The following KRT16 variants were observed in gnomAD, a reference collection of about 807,000 sequenced individuals.
KRT16 encodes keratin, type I cytoskeletal 16.
KRT16 carries 42 observed loss-of-function variants against 44.8 expected under a neutral mutation model. That is an observed-to-expected ratio of 0.94 (90% CI 0.73 to 1.21). The LOEUF is 1.21. KRT16 is among the 50% of genes most tolerant of loss of function. The pLI, the probability that KRT16 is intolerant of heterozygous loss-of-function variation, is 0.00. For missense variants in KRT16, 561 were observed against 626.9 expected, an observed-to-expected ratio of 0.89 and a Z score of 1.12; for synonymous variants, 226 against 260.4, an observed-to-expected ratio of 0.87 and a Z score of 1.27.
Position 41,609,881 on chromosome 17 carries a change from T to C in KRT16, c.*54A>G. 6.7e-7 allele frequency: 1 copy of C among 1,490,686 alleles called. No individual in the cohort carries two copies. The highest frequency in any genetic ancestry group is 2.3e-5 in the East Asian group (1 of 44,210). 92.3% of individuals were successfully genotyped at this position (1,490,686 alleles called of 1,614,324 possible). On this transcript the variant is annotated 3_prime_UTR_variant, in exon 8 of 8. Coordinates refer to ENST00000301653, the MANE Select transcript of KRT16 (RefSeq NM_005557.4). Reference sequence around the variant, plus strand: ...GAGAGCAGGGTCCTGACCCGGGCCTTCAGGAGGTGAGGCCAGCTGGTGGGC... The same window carrying C: ...GAGAGCAGGGTCCTGACCCGGGCCTCCAGGAGGTGAGGCCAGCTGGTGGGC...
intron 1 of KRT16, 133 bp downstream of exon 1, chr17:41,612,025 C>T: frequency 8.6e-7 from 1 of 1,166,496 alleles, no homozygotes; most frequent in Non-Finnish European, 1.3e-6. Flanking sequence ...CTACCACTTC[C>T]CTGGGTGATC....
intron 1 of KRT16, 151 bp from the exon 2 acceptor site, chr17:41,611,872 G>T (rs142131939): frequency 4.8e-6 from 4 of 830,800 alleles, no homozygotes; most frequent in Non-Finnish European, 8.1e-6. Flanking sequence ...CTCAGGCTAC[G>T]TAGGGATGCA....
rs1460866290 is a variant in KRT16 at position 41,611,062 on chromosome 17, G to T, written c.933+7C>A. On this transcript the variant is annotated splice_region_variant and intron_variant, in intron 4 of 7. Coordinates refer to ENST00000301653, the MANE Select transcript of KRT16 (RefSeq NM_005557.4). Reference sequence around the variant, plus strand: ...TGCTGCAGGCTCACTGCGGGCCCGAGCCCCACCTTGCTCAGGAACCAGGTC... The same window carrying T: ...TGCTGCAGGCTCACTGCGGGCCCGATCCCCACCTTGCTCAGGAACCAGGTC... 1 of 1,613,882 alleles carries T rather than the reference G, an allele frequency of 6.2e-7. No individual in the cohort carries two copies. Among genetic ancestry groups the T allele is most frequent in the Non-Finnish European group, 8.5e-7 (1 of 1,179,878 alleles).
chr17:41,611,552 G>A (rs1908199236), intron 2 of KRT16, 51 bp from the exon 3 acceptor site: 1 of 1,610,412 alleles, frequency 6.2e-7, no homozygotes, highest in African/African-American at 1.3e-5. Flanking sequence ...GGATTCTGAG[G>A]CTCGGGGTCT....
Position 41,612,537 on chromosome 17 carries a change from G to A in KRT16, c.152C>T (p.Ser51Phe). The change falls in exon 1 of 8, where the codon TCT becomes TTT. Residue 51 changes from serine to phenylalanine, a missense_variant. By Grantham distance (155) the Ser-to-Phe change is radical (BLOSUM62 -2). Transcript: ENST00000301653. ...RAPSTYGGGL[S>F]VSSRFSSGGA... ...CCCAGAGGAGAAGCGAGAGGAGACA[G>A]ACAGGCCGCCCCCGTAGGTGCTGGG... 1 of 1,597,014 alleles carries A rather than the reference G, an allele frequency of 6.3e-7. No individual in the cohort carries two copies. Among genetic ancestry groups the A allele is most frequent in the South Asian group, 1.1e-5 (1 of 89,670 alleles).
At position 41,612,406 on chromosome 17, in the gene KRT16, C is replaced by T. The variant is rs559055782; in HGVS notation, c.283G>A (p.Gly95Ser). The change falls in exon 1 of 8, where the codon GGT (glycine) becomes AGT (serine). Residue 95 changes from glycine to serine, a missense_variant. Transcript: ENST00000301653. ...GYGGGLGAGF[G>S]GGLGAGFGGG... ...CCAAAGCCAGCACCCAAGCCACCAC[C>T]GAAGCCAGCACCAAGGCCACCACCA... The T allele has an allele frequency of 1.2e-5, 19 of 1,614,138 alleles. No individual in the cohort carries two copies. Among genetic ancestry groups the T allele is most frequent in the East Asian group, 2.2e-5 (1 of 44,888 alleles).
rs202223973 is a variant in KRT16, at chr17:41,611,152, G to T, written c.850C>A (p.Arg284Ser). Residue 284 changes from arginine to serine, a missense_variant, in exon 4 of 8, where the codon CGC becomes AGC. Coordinates refer to ENST00000301653, the MANE Select transcript of KRT16 (RefSeq NM_005557.4). The stretch of plus-strand genomic sequence containing the variant: ...TGGTCACGCATCTCATTCAGGATGC[G>T]GCTCAGGTCCACGCCAGGTGCAGCA... The part of the protein sequence containing the change: ...MDAAPGVDLS[R>S]ILNEMRDQYE... The T allele has an allele frequency of 6.2e-7, 1 of 1,613,970 alleles. No individual in the cohort carries two copies.
rs146562738 is a variant in KRT16, at chr17:41,611,151, C to T, written c.851G>A (p.Arg284His). Residue 284 changes from arginine (R) to histidine (H), a missense_variant, in exon 4 of 8, where the codon CGC becomes CAC. Transcript: ENST00000301653. ...MDAAPGVDLS[R>H]ILNEMRDQYE... is the part of the protein sequence containing the mutation. ...CTGGTCACGCATCTCATTCAGGATG[C>T]GGCTCAGGTCCACGCCAGGTGCAGC... is the stretch of plus-strand genomic sequence containing the variant. The T allele has an allele frequency of 5.0e-6, 8 of 1,613,872 alleles. No homozygotes were observed. The African/African-American group carries it at 6.7e-5, about 13-fold the overall frequency.
At chr17:41,611,872 G>C in intron 1 of KRT16, 151 bp from the exon 2 acceptor site, 1 of 830,918 alleles carries the variant, frequency 1.2e-6, no homozygotes, top group Non-Finnish European at 2.0e-6. Flanking sequence ...CTCAGGCTAC[G>C]TAGGGATGCA....
In KRT16 at chr17:41,612,739, G is replaced by A. The variant is rs1567745923; in HGVS notation, c.-51C>T. 6.5e-7 allele frequency: 1 copy of A among 1,545,998 alleles called. No homozygotes were observed. Among genetic ancestry groups the A allele is most frequent in the Admixed American group, 1.9e-5 (1 of 51,566 alleles). On this transcript the variant is annotated 5_prime_UTR_variant, in exon 1 of 8. Coordinates refer to ENST00000301653, the MANE Select transcript of KRT16 (RefSeq NM_005557.4). Reference sequence around the variant, plus strand: ...TGAGCAGTTGGCTGAAAGAAGGAAAGGTGCTCAGGAAGGCTGAGAGCGTGC... The same window carrying A: ...TGAGCAGTTGGCTGAAAGAAGGAAAAGTGCTCAGGAAGGCTGAGAGCGTGC...
Position 41,609,840 on chromosome 17 carries a change from C to T in KRT16, c.*95G>A. 1 of 1,001,536 alleles carries T rather than the reference C, an allele frequency of 1.0e-6. No homozygotes were observed. The highest frequency in any genetic ancestry group is 1.6e-6 in the Non-Finnish European group (1 of 641,096). 62.0% of individuals were successfully genotyped at this position (1,001,536 alleles called of 1,614,324 possible). ...ACCAGCAGAGGAGCAGGGGAGATAG[C>T]TGGGAACTGCGCCAGGAGAGCAGGG... On this transcript the variant is annotated 3_prime_UTR_variant, in exon 8 of 8. Coordinates refer to ENST00000301653, the MANE Select transcript of KRT16 (RefSeq NM_005557.4).
In KRT16 at chr17:41,611,111, T is replaced by C. The variant is rs368492370; in HGVS notation, c.891A>G (p.Ala297=). 8 of 1,613,886 alleles carry C rather than the reference T, an allele frequency of 5.0e-6. No homozygotes were observed. The highest frequency in any genetic ancestry group is 2.7e-5 in the African/African-American group (2 of 74,938). ...NEMRDQYEQM[A]EKNRRDAETW... Reference sequence around the variant, plus strand: ...TCTCAGCGTCTCTGCGGTTTTTCTCTGCCATCTGCTCGTACTGGTCACGCA... The same window carrying C: ...TCTCAGCGTCTCTGCGGTTTTTCTCCGCCATCTGCTCGTACTGGTCACGCA... The change falls in exon 4 of 8, where the codon GCA becomes GCG. Residue 297 remains alanine (A), a synonymous_variant. Transcript: ENST00000301653.
chr17:41,610,318 G>T lies in KRT16; in HGVS notation c.1280+13C>A. 2 of 1,613,292 alleles carry T rather than the reference G, an allele frequency of 1.2e-6. No individual in the cohort carries two copies. The highest frequency in any genetic ancestry group is 1.7e-5 in the Admixed American group (1 of 60,016). On this transcript the variant is annotated intron_variant, in intron 6 of 7. Coordinates refer to ENST00000301653, the MANE Select transcript of KRT16 (RefSeq NM_005557.4). ...AGGGTCTGGGAGGCAGAACTGAGGG[G>T]CCTGGGACTCACTGGGCATCCTCGC...
In KRT16 at chr17:41,610,443, G is replaced by A. The variant is rs141569849; in HGVS notation, c.1168C>T (p.Arg390Cys). 5,020 of 1,612,180 alleles carry A rather than the reference G, an allele frequency of 3.1e-3. 12 individuals are homozygous for A. Among genetic ancestry groups the A allele is most frequent in the Non-Finnish European group, 3.4e-3 (4,024 of 1,179,860 alleles). Residue 390 changes from arginine (R) to cysteine (C), a missense_variant, in exon 6 of 8, where the codon CGC (arginine) becomes TGC (cysteine). Arg to Cys is a radical substitution (Grantham distance 180). Coordinates refer to ENST00000301653, the MANE Select transcript of KRT16 (RefSeq NM_005557.4). ...GSVEEQLAQL[R>C]CEMEQQSQEY... ...TGGCTCTGCTGCTCCATCTCACAGC[G>A]TAGCTGGGCCAGCTGCTCCTCCACA...
chr17:41,610,537 C>T lies in KRT16; in HGVS notation c.1074G>A (p.Glu358=). 2 of 1,612,070 alleles carry T rather than the reference C, an allele frequency of 1.2e-6. No individual in the cohort carries two copies. The highest frequency in any genetic ancestry group is 2.2e-4 in the Middle Eastern group (1 of 4,448). ...QSQLSMKASL[E]NSLEETKGRY... ...GGCCTTTGGTCTCCTCCAGGCTGTT[C>T]TCCAGGGATGCTTTCTGCAAGTGAG... The change falls in exon 6 of 8, where the codon GAG becomes GAA. Residue 358 remains glutamate, a synonymous_variant. Transcript: ENST00000301653.
intron 5 of KRT16, 54 bp from the exon 6 acceptor site, chr17:41,610,605 C>T (rs117898656): frequency 0.024 from 38,678 of 1,599,440 alleles, 562 homozygotes; most frequent in Middle Eastern, 0.038. Context: ...CCTGTTCCTC[C>T]AGGTCTCTGG....
At chr17:41,610,714 TTCTC>T in intron 5 of KRT16, 136 bp downstream of exon 5, 1 of 1,494,368 alleles carries the variant, frequency 6.7e-7, no homozygotes, top group Non-Finnish European at 9.3e-7. Context: ...AGGGCTTAGT[TTCTC>T]TATCTATATA....
rs1908233376 is a variant in KRT16 at position 41,612,357 on chromosome 17, C to T, written c.332G>A (p.Gly111Glu). The T allele has an allele frequency of 6.2e-7, 1 of 1,614,070 alleles. No individual in the cohort carries two copies. Among genetic ancestry groups the T allele is most frequent in the South Asian group, 1.1e-5 (1 of 91,086 alleles). Residue 111 changes from glycine to glutamate, a missense_variant, in exon 1 of 8, where the codon GGG becomes GAG. Gly to Glu is a moderately conservative substitution (Grantham distance 98). Transcript: ENST00000301653. ...GFGGGFAGGDGLLVGSEKVTM... is the reference protein window; with the variant it reads ...GFGGGFAGGDELLVGSEKVTM... ...CACCTTCTCACTGCCCACCAGAAGC[C>T]CATCACCACCAGCAAAACCACCACC...
Position 41,610,021 on chromosome 17 carries a change from A to G in KRT16, c.1336T>C (p.Ser446Pro). The part of the protein sequence containing the change: ...QSYSSREVFT[S>P]SSSSSSRQTR... ...TGACGGCTCGAAGAGGACGAGGAGG[A>G]GGTGAAGACTGTGGGAGAGAGAAGA... The change falls in exon 8 of 8, where the codon TCC (serine) becomes CCC (proline). Residue 446 changes from serine (S) to proline (P), a missense_variant. By Grantham distance (74) the Ser-to-Pro change is moderately conservative (BLOSUM62 -1). Coordinates refer to ENST00000301653, the MANE Select transcript of KRT16 (RefSeq NM_005557.4). The G allele has an allele frequency of 6.2e-7, 1 of 1,609,698 alleles. No individual in the cohort carries two copies. The highest frequency in any genetic ancestry group is 1.1e-5 in the South Asian group (1 of 90,868).
Sources: allele counts gnomAD v4.1 joint callset, GRCh38; gene constraint gnomAD v4.1.1; transcripts MANE v1.5; gene names NCBI Gene and HGNC (gene_info 2026-07-23, HGNC 2026-07-21).